The following BRSK2 variants were observed in gnomAD, a reference collection of about 807,000 sequenced individuals.
The protein encoded by BRSK2 is serine/threonine-protein kinase BRSK2.
A neutral mutation model predicts 83.3 loss-of-function variants in BRSK2; 19 were observed. The ratio of observed to expected loss-of-function variants is 0.23; its 90% CI spans 0.16 to 0.33. The LOEUF (loss-of-function observed/expected upper bound fraction) is 0.33, where lower values mean the gene tolerates loss of function less well. Ranked by LOEUF, BRSK2 falls within the 10% of genes least tolerant of loss-of-function variation. The probability of loss-of-function intolerance (pLI) is 1.00; values close to 1 mark genes in which losing one functional copy is unlikely to be tolerated. For missense variants in BRSK2, 798 were observed against 1,042.3 expected (o/e 0.77, Z 3.23); for synonymous variants, 519 against 435.4 (o/e 1.19, Z -2.39).
rs1445129003 is a variant in BRSK2, at chr11:1,451,414, C to T, written c.1539C>T (p.Ser513=). 8 of 1,612,872 alleles carry T rather than the reference C, an allele frequency of 5.0e-6. No homozygotes were observed. Among genetic ancestry groups the T allele is most frequent in the Admixed American group, 1.7e-5 (1 of 60,022 alleles). The change falls in exon 15 of 20, where the codon TCC becomes TCT. Residue 513 remains serine, a synonymous_variant. Transcript: ENST00000528841. ...TGTCCAACCTGACACCAGAGTCGTCCCCAGAGTAAGTGGCCCCTGCTGGAG... is the reference window on the plus strand; with the variant it reads ...TGTCCAACCTGACACCAGAGTCGTCTCCAGAGTAAGTGGCCCCTGCTGGAG... ...EEMSNLTPES[S]PELAKKSWFG... is the part of the protein sequence containing the mutation.
rs201394611 is a variant in BRSK2, at chr11:1,449,812, C to T, written c.1263C>T (p.Ser421=). ...RSISGASSGL[S]TSPLSSPRVT... is the part of the protein sequence containing the mutation. Reference sequence around the variant, plus strand: ...TCAGCGGTGCCTCCTCAGGCCTTTCCACCAGCCCACTCAGCAGCCCCCGGG... The same window carrying T: ...TCAGCGGTGCCTCCTCAGGCCTTTCTACCAGCCCACTCAGCAGCCCCCGGG... The change falls in exon 13 of 20, where the codon TCC becomes TCT. Residue 421 remains serine (S), a synonymous_variant. Coordinates refer to ENST00000528841, the MANE Select transcript of BRSK2 (RefSeq NM_001256627.2). The T allele has an allele frequency of 3.9e-4, 623 of 1,612,172 alleles. 2 individuals carry two copies. Among genetic ancestry groups the T allele is most frequent in the Non-Finnish European group, 8.6e-5 (101 of 1,179,570 alleles).
At position 1,450,671 on chromosome 11, in the gene BRSK2, G is replaced by A. The variant is rs759937359; in HGVS notation, c.1372G>A (p.Gly458Ser). Residue 458 changes from glycine to serine, a missense_variant, in exon 14 of 20, where the codon GGC (glycine) becomes AGC (serine). By Grantham distance (56) the Gly-to-Ser change is moderately conservative (BLOSUM62 0). Coordinates refer to ENST00000528841, the MANE Select transcript of BRSK2 (RefSeq NM_001256627.2). ...PVHTPKESPAGTPNPTPPSSP... is the reference protein window; with the variant it reads ...PVHTPKESPASTPNPTPPSSP... ...CCACACGCCAAAGGAGAGCCCGGCTGGCACGCCCAACCCCACGCCCCCGTC... is the reference window on the plus strand; with the variant it reads ...CCACACGCCAAAGGAGAGCCCGGCTAGCACGCCCAACCCCACGCCCCCGTC... 6.2e-7 allele frequency: 1 copy of A among 1,609,524 alleles called. No homozygotes were observed. The highest frequency in any genetic ancestry group is 8.5e-7 in the Non-Finnish European group (1 of 1,178,788).
intron 1 of BRSK2, among the ~76,000 whole-genome samples, chr11:1,422,937 G>A (rs552771779): frequency 3.3e-5 from 5 of 152,332 alleles, no homozygotes; most frequent in Admixed American, 1.3e-4. Context: ...GATGGACCTC[G>A]AGGTCTCTCA....
In BRSK2 at chr11:1,456,593, C is replaced by A. The variant is rs777430023; in HGVS notation, c.1850-5C>A. On this transcript the variant is annotated splice_region_variant and splice_polypyrimidine_tract_variant and intron_variant, in intron 17 of 19. Transcript: ENST00000528841. ...GTCCAGGGCATAACCCCCTGTCTCC[C>A]CTAGGCCCCAGCCGTCGCTTCAAGA... 3 of 1,610,024 alleles carry A rather than the reference C, an allele frequency of 1.9e-6. No individual in the cohort carries two copies. The highest frequency in any genetic ancestry group is 1.7e-5 in the Admixed American group (1 of 59,706).
chr11:1,400,902 CTGGCCCAG>C (rs1846430608), intron 1 of BRSK2, among the ~76,000 whole-genome samples: 1 of 152,264 alleles, frequency 6.6e-6, no homozygotes, highest in Non-Finnish European at 1.5e-5. Flanking sequence ...GTCTGCTCCT[CTGGCCCAG>C]TGGCTGCCGG....
intron 18 of BRSK2, among the ~76,000 whole-genome samples, chr11:1,457,932 C>T (rs1489269138): frequency 1.3e-5 from 2 of 152,148 alleles, no homozygotes; most frequent in Non-Finnish European, 2.9e-5. Flanking sequence ...GCTGGCACAG[C>T]GGGTAAGGAG....
At chr11:1,435,261 G>GCGGAGGAGGGGTGCCGGTGGATGTCTCA (rs1850139341) in intron 1 of BRSK2, among the ~76,000 whole-genome samples, 1 of 29,848 alleles carries the variant, frequency 3.4e-5, no homozygotes, top group African/African-American at 1.6e-4. Flanking sequence ...TGGGGGTCTC[G>GCGGAGGAGGGGTGCCGGTGGATGTCTCA]GCGGAGGAGG....
intron 3 of BRSK2, among the ~76,000 whole-genome samples, chr11:1,440,374 T>C (rs1163499033): frequency 6.6e-6 from 1 of 152,072 alleles, no homozygotes; most frequent in Non-Finnish European, 1.5e-5. Context: ...CCCTGCTCGG[T>C]GCCTGTGCCA....
intron 1 of BRSK2, among the ~76,000 whole-genome samples, chr11:1,397,885 C>T (rs1198526960): frequency 6.6e-6 from 1 of 152,118 alleles, no homozygotes; most frequent in African/African-American, 2.4e-5. Flanking sequence ...GCACCTTGGC[C>T]TGAGGGGGAT....
intron 1 of BRSK2, chr11:1,411,428 C>G: frequency 1.0e-5 from 15 of 1,468,646 alleles, no homozygotes; most frequent in Non-Finnish European, 1.3e-5. Flanking sequence ...GCCACCCCAG[C>G]CGATGGGCAC....
At chr11:1,445,256 C>T (rs370085497) in intron 9 of BRSK2, 38 bp from the exon 10 acceptor site, 104 of 1,575,284 alleles carry the variant, frequency 6.6e-5, no homozygotes, top group Middle Eastern at 1.7e-4. Context: ...CAGGCCCGGC[C>T]GGAGCTGATG....
At chr11:1,422,332 C>A (rs12281368) in intron 1 of BRSK2, among the ~76,000 whole-genome samples, 3 of 152,066 alleles carry the variant, frequency 2.0e-5, no homozygotes, top group African/African-American at 7.2e-5. Flanking sequence ...CGCTCCTCCA[C>A]CCTGTCTGCC....
rs1306212516 is a variant in BRSK2, at chr11:1,459,226, G to T, written c.1974G>T (p.Arg658=). ...ACTGTATGGAAATGATGACGGGGCG[G>T]CTTTCCAAATGTGGTAAGAATCCCC... ...TTNCMEMMTG[R]LSKCGSPLSN... The change falls in exon 19 of 20, where the codon CGG becomes CGT. Residue 658 remains arginine, a synonymous_variant. Coordinates refer to ENST00000528841, the MANE Select transcript of BRSK2 (RefSeq NM_001256627.2). 8 of 1,613,646 alleles carry T rather than the reference G, an allele frequency of 5.0e-6. No homozygotes were observed. In the African/African-American group the frequency reaches 8.0e-5, roughly 16 times the overall value.
chr11:1,445,810 C>A lies in BRSK2; in HGVS notation c.1129C>A (p.Arg377=). 1.2e-6 allele frequency: 2 copies of A among 1,612,458 alleles called. No individual in the cohort carries two copies. Among genetic ancestry groups the A allele is most frequent in the Non-Finnish European group, 1.7e-6 (2 of 1,179,720 alleles). ...SPMLNRHGKR[R]PERKSMEVLS... is the part of the protein sequence containing the mutation. ...GATGCTGAACCGGCACGGCAAGCGG[C>A]GGCCAGAACGCAAATCCATGGAGGT... The change falls in exon 12 of 20, where the codon CGG becomes AGG. Residue 377 remains arginine (R), a synonymous_variant. Coordinates refer to ENST00000528841, the MANE Select transcript of BRSK2 (RefSeq NM_001256627.2).
At chr11:1,408,314 C>T (rs373554948) in intron 1 of BRSK2, among the ~76,000 whole-genome samples, 30 of 152,370 alleles carry the variant, frequency 2.0e-4, no homozygotes, top group African/African-American at 7.0e-4. Flanking sequence ...CCTGCTGATC[C>T]TCTCATAGCC....
chr11:1,424,280 T>G (rs1385055339), intron 1 of BRSK2, among the ~76,000 whole-genome samples: 1 of 152,076 alleles, frequency 6.6e-6, no homozygotes, highest in Non-Finnish European at 1.5e-5. Flanking sequence ...CTCTGCTGGG[T>G]GTCCACCTGC....
intron 2 of BRSK2, among the ~76,000 whole-genome samples, chr11:1,436,354 C>T (rs1160587871): frequency 6.6e-6 from 1 of 152,124 alleles, no homozygotes; most frequent in African/African-American, 2.4e-5. Context: ...TGCCTCCAAG[C>T]AGAGTGGGCA....
intron 8 of BRSK2, among the ~76,000 whole-genome samples, chr11:1,444,184 C>G (rs1469924729): frequency 6.6e-6 from 1 of 152,118 alleles, no homozygotes; most frequent in Non-Finnish European, 1.5e-5. Context: ...TGCCTCCAGA[C>G]GCTGCTGGGG....
At chr11:1,406,238 A>G (rs1357571378) in intron 1 of BRSK2, among the ~76,000 whole-genome samples, 2 of 151,438 alleles carry the variant, frequency 1.3e-5, no homozygotes, top group Non-Finnish European at 2.9e-5. Context: ...TGGGAGGCCA[A>G]GGCTGCCAAG....
Sources: gnomAD v4.1 joint callset for allele counts (sites outside exome capture counted in the v4.1 genomes callset) on GRCh38, gnomAD v4.1.1 for gene constraint, MANE v1.5 for transcripts, NCBI Gene and HGNC (gene_info 2026-07-23, HGNC 2026-07-21) for gene names.